Variants in UGT1A10 observed in about 807,000 individuals in gnomAD.
UGT1A10 encodes UDP glucuronosyltransferase family 1 member A10.
UGT1A10 carries 49 observed loss-of-function variants against 45.8 expected under a neutral mutation model. That is an observed-to-expected ratio of 1.07 (90% CI 0.85 to 1.36). UGT1A10 has a LOEUF of 1.36. Ranked by LOEUF, UGT1A10 falls within the 40% of genes most tolerant of loss-of-function variation. The pLI is 0.00. For missense variants in UGT1A10, 745 were observed against 668.6 expected, an observed-to-expected ratio of 1.11 and a Z score of -1.26; for synonymous variants, 284 against 249.7, an observed-to-expected ratio of 1.14 and a Z score of -1.29.
rs1171979550 is a variant in UGT1A10 at position 233,637,241 on chromosome 2, CG to C, written c.721del (p.Ala241HisfsTer25). 2.5e-6 allele frequency: 4 copies of C among 1,613,812 alleles called. No homozygotes were observed. The highest frequency in any genetic ancestry group is 3.4e-6 in the Non-Finnish European group (4 of 1,179,866). ...TCTGAAATTCTCCAAACCCCTGTCA[CG>C]GCATATGATCTCTACAGTCACACAT... The part of the protein sequence containing the change: ...IASEILQTPV[T>X]AYDLYSHTSI... On this transcript the variant is annotated frameshift_variant, in exon 1 of 5. Coordinates refer to ENST00000344644, the MANE Select transcript of UGT1A10 (RefSeq NM_019075.4). LOFTEE classifies it high-confidence loss of function.
intron 1 of UGT1A10, among the ~76,000 whole-genome samples, chr2:233,642,887 A>ACT (rs143675434): frequency 1.8e-4 from 25 of 142,734 alleles, no homozygotes; most frequent in East Asian, 6.1e-4. Flanking sequence ...TCTCTCTCTC[A>ACT]CTCTCTCTCT....
At chr2:233,658,668 A>G (rs2073904428) in intron 1 of UGT1A10, among the ~76,000 whole-genome samples, 3 of 152,210 alleles carry the variant, frequency 2.0e-5, no homozygotes, top group Non-Finnish European at 4.4e-5. Flanking sequence ...AGGAAGTAAG[A>G]CCACAAAGGT....
At chr2:233,723,956 C>G (rs1367171435) in intron 1 of UGT1A10, among the ~76,000 whole-genome samples, 1 of 55,390 alleles carries the variant, frequency 1.8e-5, no homozygotes, top group Non-Finnish European at 3.1e-5. Flanking sequence ...GGCAACCATC[C>G]GATTTCTCAA....
chr2:233,701,208 T>G (rs111659541), intron 1 of UGT1A10, among the ~76,000 whole-genome samples: 41 of 152,260 alleles, frequency 2.7e-4, no homozygotes, highest in African/African-American at 9.2e-4. Context: ...ATAGCAGCAT[T>G]ATTTATAATC....
At chr2:233,666,540 A>G (rs1257782016) in intron 1 of UGT1A10, among the ~76,000 whole-genome samples, 1 of 152,136 alleles carries the variant, frequency 6.6e-6, no homozygotes, top group Non-Finnish European at 1.5e-5. Context: ...ACATTTTTTA[A>G]AATTGAATTT....
intron 1 of UGT1A10, among the ~76,000 whole-genome samples, chr2:233,707,029 C>G (rs962121616): frequency 6.6e-6 from 1 of 152,140 alleles, no homozygotes; most frequent in Non-Finnish European, 1.5e-5. Context: ...CAGCCAGCCC[C>G]CAAGGTAGAG....
At chr2:233,771,541 A>C (rs1305136461) in intron 4 of UGT1A10, 1 of 152,298 alleles carries the variant, frequency 6.6e-6, no homozygotes, top group African/African-American at 2.4e-5. Flanking sequence ...TTTGGCACTT[A>C]CAAATGGCTG....
rs188436882 is a variant in UGT1A10, at chr2:233,767,775, A to G, written c.988-74A>G. ...TTCCTTCAGAGGACCCCTGTTTTCT[A>G]GTTAGTATAGCAGATTTGTTTTCTA... is the stretch of plus-strand genomic sequence containing the variant. On this transcript the variant is annotated intron_variant, in intron 2 of 4. Transcript: ENST00000344644. 16 of 1,612,270 alleles carry G rather than the reference A, an allele frequency of 9.9e-6. No individual in the cohort carries two copies. In the East Asian group the frequency reaches 3.1e-4, roughly 31 times the overall value.
intron 1 of UGT1A10, chr2:233,743,955 C>T (rs752795670): frequency 9.0e-6 from 12 of 1,339,906 alleles, no homozygotes; most frequent in African/African-American, 3.0e-5. Context: ...ACTGGCACAG[C>T]GAGCGGCAAG....
At chr2:233,732,000 CATT>C (rs1375230959) in intron 1 of UGT1A10, among the ~76,000 whole-genome samples, 1 of 152,212 alleles carries the variant, frequency 6.6e-6, no homozygotes, top group Non-Finnish European at 1.5e-5. Flanking sequence ...GATGGTATCT[CATT>C]GTGGTTTTGA....
At chr2:233,666,129 T>C (rs2074071381) in intron 1 of UGT1A10, among the ~76,000 whole-genome samples, 1 of 152,156 alleles carries the variant, frequency 6.6e-6, no homozygotes, top group Non-Finnish European at 1.5e-5. Flanking sequence ...AGGGTGCTGA[T>C]CACATGGCTA....
At chr2:233,765,652 G>T (rs2126018835) in intron 1 of UGT1A10, among the ~76,000 whole-genome samples, 1 of 151,820 alleles carries the variant, frequency 6.6e-6, no homozygotes, top group East Asian at 1.9e-4. Context: ...GTCAATAGGT[G>T]CAGCAAACCA....
At position 233,764,952 on chromosome 2, in the gene UGT1A10, G is replaced by A. The variant is rs141731857; in HGVS notation, c.856-2082G>A. On this transcript the variant is annotated intron_variant, in intron 1 of 4. Transcript: ENST00000344644. Reference sequence around the variant, plus strand: ...GCTGGTGAGAGTGGCGGGGAGAGAGGGCTCACCTTGGGAGAAGGATGGTCA... The same window carrying A: ...GCTGGTGAGAGTGGCGGGGAGAGAGAGCTCACCTTGGGAGAAGGATGGTCA... Among the ~76,000 whole-genome samples the A allele has an allele frequency of 2.5e-3, 384 of 152,210 alleles. 3 individuals are homozygous for A. Among genetic ancestry groups the A allele is most frequent in the South Asian group, 8.5e-3 (41 of 4,812 alleles).
intron 1 of UGT1A10, among the ~76,000 whole-genome samples, chr2:233,647,034 A>G (rs951198188): frequency 2.4e-4 from 37 of 152,238 alleles, no homozygotes; most frequent in Admixed American, 5.2e-4. Flanking sequence ...AAAAGTCAAG[A>G]AGGAGAAAGT....
At chr2:233,725,334 T>G (rs2077438073) in intron 1 of UGT1A10, among the ~76,000 whole-genome samples, 1 of 108,502 alleles carries the variant, frequency 9.2e-6, no homozygotes, top group Admixed American at 9.8e-5. Context: ...TCAACAATCT[T>G]AAGTCCAATA....
At chr2:233,760,765 G>A (rs764212365) in intron 1 of UGT1A10, 4 of 1,614,012 alleles carry the variant, frequency 2.5e-6, no homozygotes, top group Non-Finnish European at 3.4e-6. Flanking sequence ...CAGCCCCATC[G>A]TGGCCCAGTA....
intron 1 of UGT1A10, chr2:233,718,072 AG>A (rs1223912605): frequency 5.8e-6 from 2 of 346,088 alleles, no homozygotes; most frequent in East Asian, 1.5e-4. Context: ...GGTCCTTGCT[AG>A]GGTTGTCTTG....
At chr2:233,709,538 T>C (rs957537523) in intron 1 of UGT1A10, among the ~76,000 whole-genome samples, 1 of 152,188 alleles carries the variant, frequency 6.6e-6, no homozygotes, top group African/African-American at 2.4e-5. Flanking sequence ...CCTACTGTGA[T>C]ATATGTAAGT....
At chr2:233,748,125 T>A in intron 1 of UGT1A10, 1 of 1,610,546 alleles carries the variant, frequency 6.2e-7, no homozygotes, top group Middle Eastern at 2.0e-4. Context: ...GGCAAAACAG[T>A]TTTTAAAAAT....
Sources: gnomAD v4.1 joint callset for allele counts (sites outside exome capture counted in the v4.1 genomes callset) on GRCh38, gnomAD v4.1.1 for gene constraint, MANE v1.5 for transcripts, NCBI Gene and HGNC (gene_info 2026-07-23, HGNC 2026-07-21) for gene names.